FMNL2: variants seen among roughly 807,000 people sequenced by gnomAD.
FMNL2 encodes formin like 2.
A neutral mutation model predicts 130.2 loss-of-function variants in FMNL2; 51 were observed. The ratio of observed to expected loss-of-function variants is 0.39; its 90% CI spans 0.31 to 0.49. FMNL2 has a LOEUF of 0.49. Among genes scored for constraint, FMNL2 ranks in the 20% least tolerant of loss-of-function variants. The pLI is 0.85. For missense variants in FMNL2, 977 were observed against 1,316.2 expected (o/e 0.74, Z 3.99); for synonymous variants, 465 against 467.1 (o/e 1.00, Z 0.06).
chr2:152,607,326 A>G lies in FMNL2; in HGVS notation c.877-13A>G. ...TTAGAAAGTCACATGCACAATGAAA[A>G]TGTGTGTTTCAGGTTTGTGGAGAAA... On this transcript the variant is annotated splice_polypyrimidine_tract_variant and intron_variant, in intron 9 of 25. Transcript: ENST00000288670. The G allele has an allele frequency of 6.2e-7, 1 of 1,612,000 alleles. No individual in the cohort carries two copies. The highest frequency in any genetic ancestry group is 8.5e-7 in the Non-Finnish European group (1 of 1,178,426).
At chr2:152,421,795 TAGAGA>T (rs1006022679) in intron 1 of FMNL2, among the ~76,000 whole-genome samples, 3 of 152,182 alleles carry the variant, frequency 2.0e-5, no homozygotes, top group Admixed American at 2.0e-4. Context: ...TGCGTAAGTG[TAGAGA>T]AAAGGTTTGG....
chr2:152,521,859 A>T, intron 1 of FMNL2, 84 bp from the exon 2 acceptor site: 1 of 990,486 alleles, frequency 1.0e-6, no homozygotes, highest in Non-Finnish European at 1.6e-6. Flanking sequence ...CCATAGTGGT[A>T]TTATTTGGTC....
At chr2:152,429,629 C>G (rs1347344513) in intron 1 of FMNL2, among the ~76,000 whole-genome samples, 1 of 148,968 alleles carries the variant, frequency 6.7e-6, no homozygotes, top group Non-Finnish European at 1.5e-5. Context: ...GTTTTCTTTT[C>G]CCTTCTAAGA....
At chr2:152,375,614 A>C (rs1045216363) in intron 1 of FMNL2, among the ~76,000 whole-genome samples, 2 of 117,878 alleles carry the variant, frequency 1.7e-5, no homozygotes, top group African/African-American at 6.4e-5. Flanking sequence ...AATTTCTATA[A>C]GTTGGAGATG....
In FMNL2 at chr2:152,586,705, C is replaced by G. The variant is rs186052021; in HGVS notation, c.876+5656C>G. 9.9e-5 allele frequency among the ~76,000 whole-genome samples: 15 copies of G among 152,256 alleles called. No homozygotes were observed. The East Asian group carries it at 2.9e-3, about 29-fold the overall frequency. ...GGTATCAGGCCAGAATTAGATTGAT[C>G]TAATTAACCAAGATTCTTCTTGACT... On this transcript the variant is annotated intron_variant, in intron 9 of 25. Transcript: ENST00000288670.
chr2:152,553,393 A>G (rs1023407885), intron 4 of FMNL2, among the ~76,000 whole-genome samples: 3 of 152,104 alleles, frequency 2.0e-5, no homozygotes, highest in African/African-American at 7.2e-5. Flanking sequence ...CTTATTGACC[A>G]TTAGCCCTGA....
In FMNL2 at chr2:152,509,115, C is replaced by G. The variant is rs372301665; in HGVS notation, c.118-12828C>G. 1.1e-3 allele frequency among the ~76,000 whole-genome samples: 167 copies of G among 152,288 alleles called. 2 individuals are homozygous for G. In the South Asian group the frequency reaches 0.032, roughly 29 times the overall value. On this transcript the variant is annotated intron_variant, in intron 1 of 25. Transcript: ENST00000288670. ...GGTAGCACTTTACACCTAGAATGTACCACTGTGGTGTGAGAATATAAAACC... is the reference window on the plus strand; with the variant it reads ...GGTAGCACTTTACACCTAGAATGTAGCACTGTGGTGTGAGAATATAAAACC...
At chr2:152,437,544 G>A (rs1176204379) in intron 1 of FMNL2, among the ~76,000 whole-genome samples, 1 of 152,120 alleles carries the variant, frequency 6.6e-6, no homozygotes, top group African/African-American at 2.4e-5. Flanking sequence ...TCTGACCTGC[G>A]GCAGATTGCT....
At chr2:152,407,665 G>A (rs1686059769) in intron 1 of FMNL2, among the ~76,000 whole-genome samples, 1 of 152,188 alleles carries the variant, frequency 6.6e-6, no homozygotes, top group Non-Finnish European at 1.5e-5. Flanking sequence ...GGCTGCTGCT[G>A]TACCAAGCCC....
At chr2:152,631,216 T>C (rs1223915701) in intron 20 of FMNL2, among the ~76,000 whole-genome samples, 2 of 151,320 alleles carry the variant, frequency 1.3e-5, no homozygotes, top group African/African-American at 2.4e-5. Context: ...CGAAACCCTG[T>C]CTCTACTAAA....
chr2:152,544,670 T>C (rs1359130115), intron 3 of FMNL2, among the ~76,000 whole-genome samples: 3 of 152,182 alleles, frequency 2.0e-5, no homozygotes, highest in Non-Finnish European at 4.4e-5. Flanking sequence ...AGACCTTTCC[T>C]CATGCAGAAT....
chr2:152,554,317 G>A (rs1695094953), intron 4 of FMNL2, among the ~76,000 whole-genome samples: 2 of 152,188 alleles, frequency 1.3e-5, no homozygotes, highest in South Asian at 4.1e-4. Context: ...TGAGGTAGGA[G>A]GATCACTTGA....
At chr2:152,588,250 C>G (rs1243697561) in intron 9 of FMNL2, among the ~76,000 whole-genome samples, 1 of 152,226 alleles carries the variant, frequency 6.6e-6, no homozygotes, top group East Asian at 1.9e-4. Flanking sequence ...CACTTAGATT[C>G]TTTGGCTTCC....
intron 1 of FMNL2, among the ~76,000 whole-genome samples, chr2:152,392,215 T>C (rs4233659): frequency 0.087 from 13,223 of 152,116 alleles, 819 homozygotes; most frequent in Admixed American, 0.21. Context: ...TTTCTCATCT[T>C]CCTTTGTCAG....
chr2:152,426,497 C>T (rs1313527197), intron 1 of FMNL2, among the ~76,000 whole-genome samples: 1 of 152,190 alleles, frequency 6.6e-6, no homozygotes, highest in South Asian at 2.1e-4. Flanking sequence ...ATGTATAGTT[C>T]TTGAAAATTC....
intron 25 of FMNL2, chr2:152,645,449 A>T (rs1317077524): frequency 3.1e-6 from 4 of 1,289,640 alleles, no homozygotes; most frequent in Non-Finnish European, 4.0e-6. Flanking sequence ...AAGAAGAATA[A>T]TATCACTAAA....
intron 1 of FMNL2, among the ~76,000 whole-genome samples, chr2:152,417,430 A>G (rs1358427216): frequency 6.6e-6 from 1 of 152,196 alleles, no homozygotes; most frequent in African/African-American, 2.4e-5. Flanking sequence ...CTCTTGGGGC[A>G]GGTTAACAGC....
At chr2:152,413,855 G>T (rs1686456489) in intron 1 of FMNL2, among the ~76,000 whole-genome samples, 1 of 152,192 alleles carries the variant, frequency 6.6e-6, no homozygotes, top group Non-Finnish European at 1.5e-5. Flanking sequence ...ACCATGATAG[G>T]CTTGGCAGAC....
intron 1 of FMNL2, among the ~76,000 whole-genome samples, chr2:152,440,387 C>T (rs1025850075): frequency 6.6e-6 from 1 of 152,194 alleles, no homozygotes; most frequent in Non-Finnish European, 1.5e-5. Context: ...AAACCAAAAT[C>T]TCACAGTTGT....
Sources: allele counts gnomAD v4.1 joint callset (sites outside exome capture counted in the v4.1 genomes callset), GRCh38; gene constraint gnomAD v4.1.1; transcripts MANE v1.5; gene names NCBI Gene and HGNC (gene_info 2026-07-23, HGNC 2026-07-21).